Variants in LRGUK observed in about 807,000 individuals in gnomAD.
LRGUK encodes leucine-rich repeat and guanylate kinase domain-containing protein.
In LRGUK, 65 loss-of-function variants were observed where a neutral mutation model predicts 76.0. The observed-to-expected ratio is 0.85, with a 90% CI of 0.70 to 1.05. The LOEUF (loss-of-function observed/expected upper bound fraction) is 1.05, where lower values mean the gene tolerates loss of function less well. Ranked by LOEUF, LRGUK falls within the 50% of genes least tolerant of loss-of-function variation. The pLI is 0.00. For missense variants in LRGUK, 758 were observed against 732.8 expected (o/e 1.03, Z -0.40); for synonymous variants, 268 against 265.6 (o/e 1.01, Z -0.09).
At chr7:134,255,865 C>T (rs777478323) in intron 18 of LRGUK, among the ~76,000 whole-genome samples, 2 of 151,914 alleles carry the variant, frequency 1.3e-5, no homozygotes, top group Admixed American at 6.6e-5. Context: ...GATTCCTTGC[C>T]GAGGTCCTAC....
chr7:134,179,725 G>A (rs989806539), intron 10 of LRGUK, among the ~76,000 whole-genome samples: 6 of 152,204 alleles, frequency 3.9e-5, no homozygotes, highest in African/African-American at 1.4e-4. Context: ...AAACACATAT[G>A]TCTTGATCAT....
intron 16 of LRGUK, among the ~76,000 whole-genome samples, chr7:134,237,296 G>A (rs118001548): frequency 0.029 from 4,418 of 152,026 alleles, 100 homozygotes; most frequent in Non-Finnish European, 0.042. Flanking sequence ...CTTGCGACGC[G>A]CCTGCCTGGG....
intron 6 of LRGUK, among the ~76,000 whole-genome samples, chr7:134,161,782 C>G (rs1798744332): frequency 1.3e-5 from 2 of 151,524 alleles, no homozygotes; most frequent in East Asian, 3.9e-4. Flanking sequence ...GCTCCGCCTC[C>G]CGGATTCACG....
chr7:134,239,541 A>G (rs922619177), intron 16 of LRGUK, among the ~76,000 whole-genome samples: 3 of 152,224 alleles, frequency 2.0e-5, no homozygotes, highest in Non-Finnish European at 1.5e-5. Context: ...TAGGTAAACA[A>G]AGAGGCTGGG....
rs993291334 is a variant in LRGUK at position 134,171,454 on chromosome 7, A to G, written c.940-3102A>G. On this transcript the variant is annotated intron_variant, in intron 7 of 15. Coordinates refer to ENST00000645682, the Ensembl canonical transcript of LRGUK. ...TACTTATATATTTTTATATATTCAC[A>G]TATAGAAATGTATATTCACATATAT... Among the ~76,000 whole-genome samples the G allele has an allele frequency of 2.3e-4, 35 of 151,962 alleles. 1 individual carries two copies. Among genetic ancestry groups the G allele is most frequent in the African/African-American group, 8.2e-4 (34 of 41,514 alleles).
rs564684721 is a variant in LRGUK, at chr7:134,175,846, T to A, written c.1021-1131T>A. 1.5e-3 allele frequency among the ~76,000 whole-genome samples: 229 copies of A among 152,154 alleles called. 1 individual carries two copies. Among genetic ancestry groups the A allele is most frequent in the Non-Finnish European group, 2.6e-3 (178 of 67,996 alleles). ...GGCAGATAATCCTGATGGTAGGGAG[T>A]AATAAGGAGTTTGTTTTATAAATGA... On this transcript the variant is annotated intron_variant, in intron 8 of 15. Transcript: ENST00000645682.
At chr7:134,164,064 T>C (rs1585472494) in intron 7 of LRGUK, among the ~76,000 whole-genome samples, 1 of 152,170 alleles carries the variant, frequency 6.6e-6, no homozygotes, top group Non-Finnish European at 1.5e-5. Context: ...TAAAAATATA[T>C]TGTGTTTTTC....
chr7:134,234,815 C>T (rs183266716), intron 16 of LRGUK, among the ~76,000 whole-genome samples: 122 of 151,892 alleles, frequency 8.0e-4, no homozygotes, highest in Middle Eastern at 3.4e-3. Flanking sequence ...TCCCTATCTA[C>T]ACTCACTTCT....
At chr7:134,199,457 G>A (rs1471273440) in intron 14 of LRGUK, 36 bp downstream of exon 14, 1 of 1,548,754 alleles carries the variant, frequency 6.5e-7, no homozygotes, top group Non-Finnish European at 8.9e-7. Flanking sequence ...TTTTTGAAAT[G>A]TAAGATTACT....
chr7:134,205,654 G>A (rs988017239), intron 15 of LRGUK, among the ~76,000 whole-genome samples: 13 of 152,144 alleles, frequency 8.5e-5, no homozygotes, highest in African/African-American at 2.7e-4. Flanking sequence ...CTTTGTCTGC[G>A]CAATTAGGAA....
intron 4 of LRGUK, among the ~76,000 whole-genome samples, chr7:134,146,804 G>A (rs540120196): frequency 2.0e-5 from 3 of 152,178 alleles, no homozygotes; most frequent in African/African-American, 7.2e-5. Flanking sequence ...TTTGGGGGGT[G>A]AAATCACTAT....
At chr7:134,272,272 T>C in the LRGUK span, among the ~76,000 whole-genome samples, 1 of 152,198 alleles carries the variant, frequency 6.6e-6, no homozygotes, top group Non-Finnish European at 1.5e-5. Flanking sequence ...CAGTATGTAT[T>C]AATTCAATCA....
At chr7:134,204,528 C>T (rs1171272055) in intron 15 of LRGUK, among the ~76,000 whole-genome samples, 1 of 152,188 alleles carries the variant, frequency 6.6e-6, no homozygotes, top group Admixed American at 6.5e-5. Flanking sequence ...TCACTAGCCT[C>T]AAGGCCCCTT....
intron 1 of LRGUK, among the ~76,000 whole-genome samples, chr7:134,133,719 G>C (rs1797405281): frequency 6.6e-6 from 1 of 152,080 alleles, no homozygotes. Context: ...TGGGGTAGTT[G>C]CAACCAGGGA....
chr7:134,273,949 T>C, the LRGUK span, among the ~76,000 whole-genome samples: 1 of 152,234 alleles, frequency 6.6e-6, no homozygotes, highest in African/African-American at 2.4e-5. Flanking sequence ...AATTTGTTAT[T>C]GGTCTGCATT....
chr7:134,201,566 T>C, exon 15 of LRGUK: 1 of 1,612,678 alleles, frequency 6.2e-7, no homozygotes, highest in Non-Finnish European at 8.5e-7. Flanking sequence ...AGAGTTTGGC[T>C]ACAACTGCAG....
intron 7 of LRGUK, among the ~76,000 whole-genome samples, chr7:134,164,003 A>G (rs1331074323): frequency 3.3e-5 from 5 of 152,194 alleles, no homozygotes; most frequent in East Asian, 1.9e-4. Flanking sequence ...TTTTGGTTAC[A>G]TAAGGAGTTT....
exon 15 of LRGUK, chr7:134,201,529 A>G: frequency 6.2e-7 from 1 of 1,613,880 alleles, no homozygotes; most frequent in Non-Finnish European, 8.5e-7. Flanking sequence ...ATTAGAGAAT[A>G]CCTTGGATTG....
intron 18 of LRGUK, among the ~76,000 whole-genome samples, chr7:134,252,770 C>T (rs1802481020): frequency 6.6e-6 from 1 of 152,150 alleles, no homozygotes; most frequent in Non-Finnish European, 1.5e-5. Context: ...AATGTGAGTG[C>T]TGCACATTAG....
Sources: allele counts gnomAD v4.1 joint callset (sites outside exome capture counted in the v4.1 genomes callset), GRCh38; gene constraint gnomAD v4.1.1; transcripts MANE v1.5; gene names NCBI Gene and HGNC (gene_info 2026-07-23, HGNC 2026-07-21).